DOCK7: variants seen among roughly 807,000 people sequenced by gnomAD.
DOCK7 encodes the protein dedicator of cytokinesis 7.
DOCK7 carries 138 observed loss-of-function variants against 271.0 expected under a neutral mutation model. The observed-to-expected ratio is 0.51, with a 90% CI of 0.44 to 0.59. DOCK7 has a LOEUF of 0.59. DOCK7 is among the 20% of genes least tolerant of loss of function. The probability of loss-of-function intolerance (pLI) is 0.00; values close to 1 mark genes in which losing one functional copy is unlikely to be tolerated. For synonymous variants in DOCK7, 823 were observed against 876.1 expected (o/e 0.94, Z 1.07); for missense variants, 2,066 against 2,592.4 (o/e 0.80, Z 4.41).
At chr1:62,458,030 T>C (rs564007343) in intron 48 of DOCK7, 2 of 218,740 alleles carry the variant, frequency 9.1e-6, no homozygotes, top group East Asian at 2.1e-4. Flanking sequence ...TGCACTCCTG[T>C]AGCCCCAGCT....
intron 2 of DOCK7, among the ~76,000 whole-genome samples, chr1:62,660,873 AG>A (rs1352071979): frequency 6.6e-6 from 1 of 152,176 alleles, no homozygotes; most frequent in Non-Finnish European, 1.5e-5. Flanking sequence ...GAGGCCAAAG[AG>A]GATCACTTGA....
chr1:62,579,039 A>G, intron 16 of DOCK7, 73 bp from the exon 17 acceptor site: 1 of 1,302,942 alleles, frequency 7.7e-7, no homozygotes, highest in South Asian at 2.3e-5. Flanking sequence ...GTATATTTGA[A>G]TAATTTTAAA....
At chr1:62,612,551 A>T (rs10889348) in intron 14 of DOCK7, among the ~76,000 whole-genome samples, 48,837 of 151,056 alleles carry the variant, frequency 0.32, 7,962 homozygotes, top group South Asian at 0.43. Context: ...AAATAAAATT[A>T]AAAAAAAAAT....
At chr1:62,646,327 T>C (rs1353595266) in intron 7 of DOCK7, among the ~76,000 whole-genome samples, 2 of 152,112 alleles carry the variant, frequency 1.3e-5, no homozygotes. Context: ...TTAGTGATTG[T>C]CAGGTGCTGA....
intron 47 of DOCK7, among the ~76,000 whole-genome samples, chr1:62,474,618 C>G (rs2149257620): frequency 6.6e-6 from 1 of 152,234 alleles, no homozygotes; most frequent in South Asian, 2.1e-4. Flanking sequence ...TTTGGTGGGG[C>G]ACTTTTTGGC....
At chr1:62,602,943 A>ATT (rs1432089566) in intron 14 of DOCK7, among the ~76,000 whole-genome samples, 1 of 151,774 alleles carries the variant, frequency 6.6e-6, no homozygotes, top group African/African-American at 2.4e-5. Context: ...AAAATAACAG[A>ATT]TGTTTAAAAT....
intron 2 of DOCK7, among the ~76,000 whole-genome samples, chr1:62,655,950 G>A (rs1657971037): frequency 6.6e-6 from 1 of 152,168 alleles, no homozygotes; most frequent in South Asian, 2.1e-4. Context: ...AAATGGTAGA[G>A]CAGAAATTTG....
intron 48 of DOCK7, among the ~76,000 whole-genome samples, chr1:62,465,896 G>A (rs996594614): frequency 6.6e-6 from 1 of 152,138 alleles, no homozygotes; most frequent in Non-Finnish European, 1.5e-5. Flanking sequence ...TTTTATGTGG[G>A]TATAGGATTG....
chr1:62,629,746 G>C (rs1171870250), intron 11 of DOCK7: 1 of 152,156 alleles, frequency 6.6e-6, no homozygotes, highest in Non-Finnish European at 1.5e-5. Context: ...TCAAAACTGT[G>C]ACTTTAAGCA....
chr1:62,535,987 C>A (rs1645332560), intron 28 of DOCK7, among the ~76,000 whole-genome samples: 1 of 152,020 alleles, frequency 6.6e-6, no homozygotes, highest in African/African-American at 2.4e-5. Context: ...ATGCACTTAC[C>A]CCAAAGTACA....
intron 48 of DOCK7, chr1:62,458,982 A>T (rs1645433718): frequency 6.6e-6 from 1 of 152,234 alleles, no homozygotes; most frequent in Non-Finnish European, 1.5e-5. Flanking sequence ...AGTGATGCTT[A>T]GTAGAAAACA....
chr1:62,479,533 T>G (rs1336063830), intron 43 of DOCK7, among the ~76,000 whole-genome samples: 1 of 151,958 alleles, frequency 6.6e-6, no homozygotes, highest in East Asian at 1.9e-4. Flanking sequence ...AACAACATAA[T>G]AATAGTAAAT....
At chr1:62,559,350 A>T in intron 19 of DOCK7, 130 bp from the exon 20 acceptor site, 1 of 571,136 alleles carries the variant, frequency 1.8e-6, no homozygotes, top group South Asian at 2.8e-5. Context: ...GTATACAAAC[A>T]TTGTTTCCAA....
At chr1:62,654,908 A>T (rs1657813112) in intron 2 of DOCK7, among the ~76,000 whole-genome samples, 1 of 152,222 alleles carries the variant, frequency 6.6e-6, no homozygotes, top group Admixed American at 6.5e-5. Flanking sequence ...AAGGAATGCC[A>T]AAGCCATCAG....
chr1:62,496,275 A>G (rs1646619632), intron 38 of DOCK7, 64 bp downstream of exon 38: 1 of 1,576,842 alleles, frequency 6.3e-7, no homozygotes, highest in South Asian at 1.2e-5. Flanking sequence ...TGATTTAACA[A>G]TTTGGAAAGT....
chr1:62,624,337 G>T (rs1033803362), intron 12 of DOCK7, among the ~76,000 whole-genome samples: 5 of 151,774 alleles, frequency 3.3e-5, no homozygotes, highest in Non-Finnish European at 7.4e-5. Flanking sequence ...TTTAACCTGG[G>T]TGTCATCTAC....
intron 4 of DOCK7, among the ~76,000 whole-genome samples, chr1:62,650,370 GA>G (rs33999917): frequency 0.58 from 88,012 of 151,914 alleles, 27,279 homozygotes; most frequent in East Asian, 0.76. Flanking sequence ...ATAAATAAAT[GA>G]AGTACTTTTG....
intron 22 of DOCK7, among the ~76,000 whole-genome samples, chr1:62,548,408 G>A (rs539252560): frequency 6.8e-6 from 1 of 146,096 alleles, no homozygotes; most frequent in Non-Finnish European, 1.5e-5. Flanking sequence ...CTTAATTTTT[G>A]TGTGTGTCTT....
At chr1:62,555,248 C>G (rs953073795) in intron 21 of DOCK7, 4 of 152,314 alleles carry the variant, frequency 2.6e-5, no homozygotes, top group Admixed American at 2.6e-4. Context: ...AGAGAACAAT[C>G]TTCTATATCA....
Sources: allele counts gnomAD v4.1 joint callset (sites outside exome capture counted in the v4.1 genomes callset), GRCh38; gene constraint gnomAD v4.1.1; transcripts MANE v1.5; gene names NCBI Gene and HGNC (gene_info 2026-07-23, HGNC 2026-07-21).